The following SNED1 variants were observed in gnomAD, a reference collection of about 807,000 sequenced individuals.
SNED1 encodes the protein sushi, nidogen and EGF-like domain-containing protein 1.
SNED1 carries 81 observed loss-of-function variants against 166.7 expected under a neutral mutation model. The ratio of observed to expected loss-of-function variants is 0.49; its 90% CI spans 0.41 to 0.58. The LOEUF is 0.58. SNED1 is among the 20% of genes least tolerant of loss of function. The pLI is 0.00. For synonymous variants in SNED1, 762 were observed against 822.0 expected, an observed-to-expected ratio of 0.93 and a Z score of 1.25; for missense variants, 1,604 against 2,000.2, an observed-to-expected ratio of 0.80 and a Z score of 3.78.
chr2:241,017,131 G>A (rs538843513), intron 1 of SNED1, among the ~76,000 whole-genome samples: 28 of 152,166 alleles, frequency 1.8e-4, no homozygotes, highest in Non-Finnish European at 3.5e-4. Context: ...GATTCCAGGC[G>A]TGAGCCACCA....
chr2:241,004,930 C>G (rs1302784162), intron 1 of SNED1, among the ~76,000 whole-genome samples: 1 of 152,030 alleles, frequency 6.6e-6, no homozygotes. Flanking sequence ...ACCATCTTGG[C>G]CAGGCTGGTC....
At chr2:241,035,423 C>T (rs1319353110) in intron 4 of SNED1, 2 of 152,294 alleles carry the variant, frequency 1.3e-5, no homozygotes, top group Non-Finnish European at 2.9e-5. Flanking sequence ...AGATGGTAGC[C>T]TTAGCCCTGC....
chr2:241,021,815 A>G (rs1295207561), intron 1 of SNED1, among the ~76,000 whole-genome samples: 2 of 152,202 alleles, frequency 1.3e-5, no homozygotes, highest in African/African-American at 4.8e-5. Flanking sequence ...TGGTGTGTAT[A>G]TTAATTCTTT....
At chr2:241,006,518 C>G (rs1407091220) in intron 1 of SNED1, among the ~76,000 whole-genome samples, 1 of 152,144 alleles carries the variant, frequency 6.6e-6, no homozygotes, top group Non-Finnish European at 1.5e-5. Flanking sequence ...GAATGGTATG[C>G]GCTTCTCTTG....
intron 2 of SNED1, among the ~76,000 whole-genome samples, chr2:241,032,610 T>C (rs1035341910): frequency 6.6e-6 from 1 of 152,146 alleles, no homozygotes; most frequent in Non-Finnish European, 1.5e-5. Context: ...GTTGTGCACA[T>C]GTACCCTAGA....
intron 1 of SNED1, among the ~76,000 whole-genome samples, chr2:241,021,567 T>C (rs1445052511): frequency 6.6e-6 from 1 of 152,234 alleles, no homozygotes; most frequent in African/African-American, 2.4e-5. Context: ...TTCTTTCATT[T>C]AACATAGTGT....
rs1222212981 is a variant in SNED1, at chr2:241,048,385, C to T, written c.1344C>T (p.Asp448=). The T allele has an allele frequency of 3.7e-6, 6 of 1,611,854 alleles. No homozygotes were observed. In the South Asian group the frequency reaches 5.5e-5, roughly 15 times the overall value. The change falls in exon 9 of 32, where the codon GAC becomes GAT. Residue 448 remains aspartate, a synonymous_variant. Transcript: ENST00000310397. ...ATGGGGGCACCTGTGTGGATGCGGA[C>T]CAGGGCTACGTGTGCGAGTGCCCCG... ...CHNGGTCVDA[D]QGYVCECPEG...
At chr2:241,079,455 A>G (rs539624892) in intron 27 of SNED1, among the ~76,000 whole-genome samples, 91 of 151,936 alleles carry the variant, frequency 6.0e-4, no homozygotes, top group Non-Finnish European at 9.7e-4. Context: ...TGTTTTCAGT[A>G]TGTTGTCTTT....
chr2:241,036,377 C>G (rs79350715), intron 4 of SNED1, among the ~76,000 whole-genome samples: 1,997 of 152,164 alleles, frequency 0.013, 20 homozygotes, highest in Non-Finnish European at 0.02. Context: ...AGCCACACCC[C>G]CTGCGTGGCC....
intron 12 of SNED1, among the ~76,000 whole-genome samples, chr2:241,050,590 G>T (rs533252813): frequency 1.3e-5 from 2 of 152,324 alleles, no homozygotes; most frequent in South Asian, 4.1e-4. Flanking sequence ...GTCCCTGAGG[G>T]AAAGACCCTG....
chr2:241,001,178 C>T (rs986134718), intron 1 of SNED1, among the ~76,000 whole-genome samples: 1 of 152,246 alleles, frequency 6.6e-6, no homozygotes, highest in East Asian at 1.9e-4. Flanking sequence ...GCCCCCATCC[C>T]ACTGCAGTGA....
chr2:241,019,073 C>T (rs886391850), intron 1 of SNED1, among the ~76,000 whole-genome samples: 1 of 151,706 alleles, frequency 6.6e-6, no homozygotes, highest in Admixed American at 6.6e-5. Flanking sequence ...GAGCACATGC[C>T]CATGGTGTGT....
Position 241,073,487 on chromosome 2 carries a change from G to T in SNED1, c.3916+123G>T, listed in dbSNP as rs988436887. On this transcript the variant is annotated intron_variant, in intron 27 of 31. Transcript: ENST00000310397. The surrounding 1 kb of genome is among the most constrained non-coding windows in gnomAD (Gnocchi z 6.6). ...AGGAGGCACAGAGCCTACCTGAGGG[G>T]AGGCTGAGCACCAGGCACCCCGGTG... is the stretch of plus-strand genomic sequence containing the variant. The T allele has an allele frequency of 8.7e-6, 7 of 804,428 alleles. No homozygotes were observed. Among genetic ancestry groups the T allele is most frequent in the Admixed American group, 2.1e-5 (1 of 48,340 alleles). 49.8% of individuals were successfully genotyped at this position (804,428 alleles called of 1,614,324 possible).
At chr2:241,083,046 A>G (rs2063405755) in intron 29 of SNED1, among the ~76,000 whole-genome samples, 1 of 151,652 alleles carries the variant, frequency 6.6e-6, no homozygotes, top group Non-Finnish European at 1.5e-5. Flanking sequence ...CGTTCATTGC[A>G]GATGAGGGGA....
In SNED1 at chr2:241,068,814, G is replaced by A. The variant is rs896673875; in HGVS notation, c.3195-97G>A. 46 of 808,784 alleles carry A rather than the reference G, an allele frequency of 5.7e-5. No individual in the cohort carries two copies. The highest frequency in any genetic ancestry group is 1.1e-4 in the South Asian group (6 of 56,482). The allele number at this position is 808,784 out of a possible 1,614,324, so 50.1% of individuals were successfully genotyped here. On this transcript the variant is annotated intron_variant, in intron 22 of 31. Coordinates refer to ENST00000310397, the MANE Select transcript of SNED1 (RefSeq NM_001080437.3). The surrounding 1 kb of genome is among the most constrained non-coding windows in gnomAD (Gnocchi z 5.3). ...CCACCAGCAGCAGGATGACCTCCCC[G>A]CAGTCACCTCCTGCCTGGGGGAGCT...
intron 4 of SNED1, among the ~76,000 whole-genome samples, 154 bp downstream of exon 4, chr2:241,034,884 G>A (rs553131793): frequency 6.6e-6 from 1 of 152,090 alleles, no homozygotes. Flanking sequence ...GTGAAACTAA[G>A]GAAAGCCTGG....
intron 6 of SNED1, among the ~76,000 whole-genome samples, chr2:241,038,494 G>C (rs1365558161): frequency 6.6e-6 from 1 of 152,228 alleles, no homozygotes; most frequent in Non-Finnish European, 1.5e-5. Context: ...TTCCCACCTG[G>C]CGAGATGGGC....
intron 4 of SNED1, among the ~76,000 whole-genome samples, chr2:241,036,009 AGTGGGGGGTGGAGGTGCGTCACGGGGTGG>A (rs1559246672): frequency 4.5e-4 from 5 of 11,010 alleles, no homozygotes; most frequent in East Asian, 5.5e-3. Context: ...CGGGGAGGGG[AGTGGGGGGTGGAGGTGCGTCACGGGGTGG>A]GTGGGGGGTG....
At chr2:241,031,634 C>G (rs1442749166) in intron 2 of SNED1, among the ~76,000 whole-genome samples, 1 of 152,208 alleles carries the variant, frequency 6.6e-6, no homozygotes, top group African/African-American at 2.4e-5. Context: ...TCATGCATCT[C>G]CTCATTGCGC....
Sources: allele counts gnomAD v4.1 joint callset (sites outside exome capture counted in the v4.1 genomes callset), GRCh38; gene constraint gnomAD v4.1.1; non-coding constraint Gnocchi (gnomAD v3.1); transcripts MANE v1.5; gene names NCBI Gene and HGNC (gene_info 2026-07-23, HGNC 2026-07-21).